GRIN2B: variants seen among roughly 807,000 people sequenced by gnomAD.
GRIN2B encodes glutamate ionotropic receptor NMDA type subunit 2B.
A neutral mutation model predicts 114.5 loss-of-function variants in GRIN2B; 5 were observed. That is an observed-to-expected ratio of 0.04 (90% confidence interval 0.02 to 0.09). The LOEUF (loss-of-function observed/expected upper bound fraction) is 0.09. GRIN2B is among the 10% of genes least tolerant of loss of function. The pLI is 1.00. For synonymous variants in GRIN2B, 787 were observed against 745.1 expected (o/e 1.06, Z -0.92); for missense variants, 1,108 against 1,943.5 (o/e 0.57, Z 8.08).
At chr12:13,962,854 G>T (rs775312186) in intron 2 of GRIN2B, among the ~76,000 whole-genome samples, 1 of 152,172 alleles carries the variant, frequency 6.6e-6, no homozygotes, top group South Asian at 2.1e-4. Flanking sequence ...CCACCTCGTC[G>T]TCCGCTAGGC....
At chr12:13,771,149 G>A (rs935720246) in intron 3 of GRIN2B, among the ~76,000 whole-genome samples, 2 of 152,254 alleles carry the variant, frequency 1.3e-5, no homozygotes, top group African/African-American at 2.4e-5. Flanking sequence ...TAAGTCTCAC[G>A]AGAGCTGATG....
intron 5 of GRIN2B, among the ~76,000 whole-genome samples, chr12:13,653,542 G>T (rs1302558486): frequency 6.6e-6 from 1 of 151,830 alleles, no homozygotes; most frequent in East Asian, 1.9e-4. Context: ...GTAAGGGGAG[G>T]GGGAGTGAGA....
intron 4 of GRIN2B, among the ~76,000 whole-genome samples, chr12:13,726,792 G>A (rs951941681): frequency 1.3e-5 from 2 of 151,830 alleles, no homozygotes; most frequent in African/African-American, 2.4e-5. Flanking sequence ...TGTACCCAAT[G>A]TGTAGTCTTT....
intron 3 of GRIN2B, among the ~76,000 whole-genome samples, chr12:13,859,860 C>G (rs1865725684): frequency 6.6e-6 from 1 of 152,162 alleles, no homozygotes; most frequent in Admixed American, 6.6e-5. Flanking sequence ...TTTTTTTCCT[C>G]TCACTTTTCC....
chr12:13,676,255 G>C (rs1950073122), intron 4 of GRIN2B, among the ~76,000 whole-genome samples: 1 of 152,036 alleles, frequency 6.6e-6, no homozygotes, highest in Non-Finnish European at 1.5e-5. Flanking sequence ...TAATATTTAG[G>C]TGATGGGTTG....
chr12:13,929,827 A>G (rs1866990988), intron 2 of GRIN2B, among the ~76,000 whole-genome samples: 1 of 152,214 alleles, frequency 6.6e-6, no homozygotes, highest in East Asian at 1.9e-4. Flanking sequence ...GGTTACTGTG[A>G]TGGTTCACTG....
rs917356124 is a variant in GRIN2B, at chr12:13,689,144, G to A, written c.1011-13285C>T. 2.6e-5 allele frequency among the ~76,000 whole-genome samples: 4 copies of A among 152,090 alleles called. No individual in the cohort carries two copies. In the East Asian group the frequency reaches 7.7e-4, roughly 29 times the overall value. ...ATGGCACAAACTCTTCTTCTAAGTGGATTAGTCCAATTCTTCTCCTCCAGG... is the reference window on the plus strand; with the variant it reads ...ATGGCACAAACTCTTCTTCTAAGTGAATTAGTCCAATTCTTCTCCTCCAGG... On this transcript the variant is annotated intron_variant, in intron 4 of 13. Transcript: ENST00000609686.
intron 3 of GRIN2B, among the ~76,000 whole-genome samples, chr12:13,805,815 G>A (rs1198094976): frequency 3.3e-5 from 5 of 152,024 alleles, no homozygotes; most frequent in Non-Finnish European, 7.4e-5. Context: ...TCACCATCTT[G>A]TACAGTAAAT....
chr12:13,770,180 C>A (rs538222498), intron 3 of GRIN2B, among the ~76,000 whole-genome samples: 2 of 152,190 alleles, frequency 1.3e-5, no homozygotes, highest in Non-Finnish European at 2.9e-5. Flanking sequence ...CTGATCTGCA[C>A]TTTGTTCAAA....
chr12:13,843,088 A>G (rs11055640), intron 3 of GRIN2B, among the ~76,000 whole-genome samples: 12,108 of 143,564 alleles, frequency 0.084, 708 homozygotes, highest in East Asian at 0.16. Context: ...CATGTGCAGA[A>G]TGTGTAGGCT....
At chr12:13,855,769 C>T (rs1865650631) in intron 3 of GRIN2B, among the ~76,000 whole-genome samples, 1 of 152,192 alleles carries the variant, frequency 6.6e-6, no homozygotes, top group South Asian at 2.1e-4. Context: ...TGCAAAGACC[C>T]TTTATCCAAA....
chr12:13,733,859 G>C (rs1162179067), intron 4 of GRIN2B, among the ~76,000 whole-genome samples: 1 of 152,172 alleles, frequency 6.6e-6, no homozygotes, highest in Non-Finnish European at 1.5e-5. Flanking sequence ...TTCTTTCCAA[G>C]TAAGCATCTC....
chr12:13,547,762 C>T lies in GRIN2B; in HGVS notation c.*15021G>A, dbSNP rs1052972318. The T allele has an allele frequency of 1.3e-5, 2 of 151,874 alleles. No homozygotes were observed. The highest frequency in any genetic ancestry group is 2.4e-5 in the African/African-American group (1 of 41,446). The allele number at this position is 151,874 out of a possible 1,614,324, so 9.4% of individuals were successfully genotyped here. On this transcript the variant is annotated 3_prime_UTR_variant, in exon 14 of 14. Transcript: ENST00000609686. The stretch of plus-strand genomic sequence containing the variant: ...AGACACTGTAAATCTCAAAAATACT[C>T]CAACTTCCCTGATTCTTTTGGAAGT...
intron 2 of GRIN2B, among the ~76,000 whole-genome samples, chr12:13,949,507 C>T (rs1174291779): frequency 2.6e-5 from 4 of 152,086 alleles, no homozygotes; most frequent in African/African-American, 9.7e-5. Flanking sequence ...TGGAAGCTGC[C>T]GTGGCATTCG....
At chr12:13,721,613 C>G (rs1862882137) in intron 4 of GRIN2B, among the ~76,000 whole-genome samples, 1 of 152,000 alleles carries the variant, frequency 6.6e-6, no homozygotes, top group East Asian at 1.9e-4. Context: ...AAAAAAGTTA[C>G]CATTTTCACC....
At chr12:13,636,609 T>G (rs1313455662) in intron 5 of GRIN2B, among the ~76,000 whole-genome samples, 1 of 152,068 alleles carries the variant, frequency 6.6e-6, no homozygotes, top group Non-Finnish European at 1.5e-5. Context: ...AATTTGATAT[T>G]GGGTTGAGAG....
At chr12:13,767,176 C>T (rs1026978990) in intron 3 of GRIN2B, among the ~76,000 whole-genome samples, 5 of 148,174 alleles carry the variant, frequency 3.4e-5, no homozygotes, top group African/African-American at 1.0e-4. Context: ...AGGAGAATGG[C>T]GTGAGGCCGG....
rs1865386996 is a variant in GRIN2B at position 13,841,961 on chromosome 12, CTATCATTAT to C, written c.411+23828_411+23836del. 3.3e-5 allele frequency among the ~76,000 whole-genome samples: 5 copies of C among 152,218 alleles called. No individual in the cohort carries two copies. In the South Asian group the frequency reaches 1.0e-3, roughly 32 times the overall value. On this transcript the variant is annotated intron_variant, in intron 3 of 13. Coordinates refer to ENST00000609686, the MANE Select transcript of GRIN2B (RefSeq NM_000834.5). ...GTGCTACATCATGCCACCACTGCCA[CTATCATTAT>C]AAAATAATTAGTCTGCAAATTGAGA... is the stretch of plus-strand genomic sequence containing the variant.
chr12:13,911,911 A>T (rs1004902743), intron 2 of GRIN2B, among the ~76,000 whole-genome samples: 33 of 152,198 alleles, frequency 2.2e-4, no homozygotes, highest in African/African-American at 7.0e-4. Context: ...TGCCTCTGCC[A>T]TCAGTGCAGC....
Sources: gnomAD v4.1 joint callset for allele counts (sites outside exome capture counted in the v4.1 genomes callset) on GRCh38, gnomAD v4.1.1 for gene constraint, MANE v1.5 for transcripts, NCBI Gene and HGNC (gene_info 2026-07-23, HGNC 2026-07-21) for gene names.